Variants in HMCN1 observed in about 807,000 individuals in gnomAD.
HMCN1 encodes the protein hemicentin 1.
In HMCN1, 321 loss-of-function variants were observed where a neutral mutation model predicts 625.9. The ratio of observed to expected loss-of-function variants is 0.51; its 90% CI spans 0.47 to 0.56. The LOEUF (loss-of-function observed/expected upper bound fraction) is 0.56. HMCN1 is among the 20% of genes least tolerant of loss of function. HMCN1 has a pLI of 0.00. For missense variants in HMCN1, 6,588 were observed against 6,887.3 expected (o/e 0.96, Z 1.54); for synonymous variants, 2,425 against 2,417.6 (o/e 1.00, Z -0.09).
chr1:186,163,179 G>C (rs1456249191), intron 97 of HMCN1, among the ~76,000 whole-genome samples: 1 of 152,192 alleles, frequency 6.6e-6, no homozygotes, highest in Non-Finnish European at 1.5e-5. Context: ...CTAGCAATCA[G>C]CCAGACTCCA....
chr1:186,144,435 T>C (rs543896961), intron 90 of HMCN1, 92 bp downstream of exon 90: 6 of 1,604,368 alleles, frequency 3.7e-6, no homozygotes, highest in Non-Finnish European at 5.1e-6. Flanking sequence ...CCATTCTAAC[T>C]GTGCCCACAA....
At chr1:186,181,618 A>G (rs1558287393) in intron 104 of HMCN1, among the ~76,000 whole-genome samples, 2 of 152,202 alleles carry the variant, frequency 1.3e-5, no homozygotes, top group South Asian at 4.1e-4. Context: ...TTTGAATTGT[A>G]TAAAAAAAGA....
intron 68 of HMCN1, among the ~76,000 whole-genome samples, chr1:186,095,815 T>C (rs1276002083): frequency 1.3e-5 from 2 of 152,126 alleles, no homozygotes; most frequent in Non-Finnish European, 2.9e-5. Context: ...TTGCCAAGAA[T>C]TGAAAACACA....
chr1:186,087,975 C>G lies in HMCN1; in HGVS notation c.9407C>G (p.Ala3136Gly). 1 of 1,613,130 alleles carries G rather than the reference C, an allele frequency of 6.2e-7. No homozygotes were observed. The change falls in exon 61 of 107, where the codon GCA (alanine) becomes GGA (glycine). Residue 3136 changes from alanine (A) to glycine (G), a missense_variant. Around this residue, in one of 3 missense-constraint regions of HMCN1, gnomAD observed 4,628 missense variants for 4,853.1 expected, o/e 0.95. Transcript: ENST00000271588. ...TATGTATGTAGAGCTATAAATGTAG[C>G]AGGACGGGATGATAAAAATTTCCAC... Reference protein sequence around the residue: ...GQYVCRAINVAGRDDKNFHLN... With the variant: ...GQYVCRAINVGGRDDKNFHLN...
At chr1:186,023,280 A>T (rs551398793) in intron 36 of HMCN1, 127 bp downstream of exon 36, 6 of 840,476 alleles carry the variant, frequency 7.1e-6, no homozygotes, top group Non-Finnish European at 1.1e-5. Context: ...GTATAAAAAA[A>T]ACCTAGGGTT....
chr1:186,116,308 T>G (rs1661130776), intron 75 of HMCN1, among the ~76,000 whole-genome samples: 1 of 152,132 alleles, frequency 6.6e-6, no homozygotes, highest in Admixed American at 6.5e-5. Context: ...ATATTCTAAT[T>G]TAGATTTACT....
chr1:185,825,626 T>A (rs1423163775), intron 1 of HMCN1, among the ~76,000 whole-genome samples: 1 of 152,228 alleles, frequency 6.6e-6, no homozygotes, highest in Non-Finnish European at 1.5e-5. Flanking sequence ...TATATTTATG[T>A]TACCTTTATT....
chr1:186,016,222 A>G lies in HMCN1; in HGVS notation c.5174A>G (p.Tyr1725Cys). ...GTGGCAGGAGAAAAGGAAATCAAATATGAAGTTGATGTCTTGGGTAAATAA... is the reference window on the plus strand; with the variant it reads ...GTGGCAGGAGAAAAGGAAATCAAATGTGAAGTTGATGTCTTGGGTAAATAA... ...TSVAGEKEIK[Y>C]EVDVLVPPAI... The change falls in exon 32 of 107, where the codon TAT becomes TGT. Residue 1725 changes from tyrosine (Y) to cysteine (C), a missense_variant. Tyr to Cys is a radical substitution (Grantham distance 194, BLOSUM62 -2). Transcript: ENST00000271588. 1.2e-6 allele frequency: 2 copies of G among 1,612,882 alleles called. No homozygotes were observed. The highest frequency in any genetic ancestry group is 1.7e-6 in the Non-Finnish European group (2 of 1,179,108).
chr1:185,901,908 T>C lies in HMCN1; in HGVS notation c.622-7429T>C, dbSNP rs114551993. Among the ~76,000 whole-genome samples, 1,401 of 151,870 alleles carry C rather than the reference T, an allele frequency of 9.2e-3. 29 individuals are homozygous for C. Among genetic ancestry groups the C allele is most frequent in the African/African-American group, 0.033 (1,352 of 41,500 alleles). ...GGATTTTTCTAACCTTTATATATGC[T>C]AAAAGGGACTAATAGGATTTCTACA... On this transcript the variant is annotated intron_variant, in intron 4 of 106. Transcript: ENST00000271588.
At chr1:186,049,655 G>T (rs1656817099) in intron 42 of HMCN1, among the ~76,000 whole-genome samples, 1 of 151,854 alleles carries the variant, frequency 6.6e-6, no homozygotes, top group Non-Finnish European at 1.5e-5. Flanking sequence ...TCTTCATTTT[G>T]ATTGTATTTG....
chr1:186,149,093 T>C (rs963263921), intron 93 of HMCN1, among the ~76,000 whole-genome samples: 1 of 152,184 alleles, frequency 6.6e-6, no homozygotes, highest in Admixed American at 6.5e-5. Context: ...TTATGGGCCC[T>C]AGGATTTTCA....
intron 45 of HMCN1, 35 bp downstream of exon 45, chr1:186,055,709 G>A: frequency 1.2e-6 from 2 of 1,602,452 alleles, no homozygotes; most frequent in South Asian, 1.1e-5. Context: ...TCCATTCACT[G>A]GCTAACGTAA....
chr1:185,818,021 CCTT>C (rs1231404165), intron 1 of HMCN1, among the ~76,000 whole-genome samples: 1 of 152,158 alleles, frequency 6.6e-6, no homozygotes, highest in Admixed American at 6.5e-5. Flanking sequence ...AAGCCCAACT[CCTT>C]CTTCAAAACT....
At chr1:186,087,026 A>C (rs557281035) in intron 58 of HMCN1, among the ~76,000 whole-genome samples, 191 bp from the exon 59 acceptor site, 1 of 152,230 alleles carries the variant, frequency 6.6e-6, no homozygotes, top group South Asian at 2.1e-4. Flanking sequence ...CTCTTCCTTT[A>C]TAAGGAACTA....
At chr1:185,977,065 T>C (rs1651267175) in intron 15 of HMCN1, among the ~76,000 whole-genome samples, 1 of 152,120 alleles carries the variant, frequency 6.6e-6, no homozygotes. Flanking sequence ...TCCTCCCTGA[T>C]CTCTGTGGTT....
rs775373015 is a variant in HMCN1, at chr1:186,122,967, C to T, written c.12246C>T (p.Ser4082=). Residue 4082 remains serine (S), a synonymous_variant, in exon 81 of 107, where the codon AGC becomes AGT. Coordinates refer to ENST00000271588, the MANE Select transcript of HMCN1 (RefSeq NM_031935.3). ...KLNVQVPPVI[S]PHLKEYVIAV... The stretch of plus-strand genomic sequence containing the variant: ...ATATTTTAGTTCCTCCAGTCATTAG[C>T]CCTCATCTAAAGGAATATGTTATTG... 1.9e-6 allele frequency: 3 copies of T among 1,613,858 alleles called. No individual in the cohort carries two copies. Among genetic ancestry groups the T allele is most frequent in the Admixed American group, 1.7e-5 (1 of 60,006 alleles).
intron 71 of HMCN1, among the ~76,000 whole-genome samples, chr1:186,111,884 A>G (rs1269179209): frequency 1.3e-5 from 2 of 152,168 alleles, no homozygotes; most frequent in South Asian, 2.1e-4. Flanking sequence ...ACTTTGAACA[A>G]TGTTTTCTTA....
At chr1:185,939,695 ATTATG>A (rs1025929519) in intron 11 of HMCN1, among the ~76,000 whole-genome samples, 13 of 152,184 alleles carry the variant, frequency 8.5e-5, no homozygotes, top group Admixed American at 3.9e-4. Flanking sequence ...AGAGGGTTGA[ATTATG>A]CATGAGTAAT....
intron 1 of HMCN1, among the ~76,000 whole-genome samples, chr1:185,770,019 C>G (rs1656131298): frequency 6.6e-6 from 1 of 152,210 alleles, no homozygotes; most frequent in East Asian, 1.9e-4. Context: ...GACTTTGCCT[C>G]TTGATAGGAG....
Sources: allele counts gnomAD v4.1 joint callset (sites outside exome capture counted in the v4.1 genomes callset), GRCh38; gene constraint gnomAD v4.1.1; regional missense constraint gnomAD v4.1.1; transcripts MANE v1.5; gene names NCBI Gene and HGNC (gene_info 2026-07-23, HGNC 2026-07-21).